PPARGC1B: variants seen among roughly 807,000 people sequenced by gnomAD.
PPARGC1B encodes the protein PPARG coactivator 1 beta, also known as peroxisome proliferator-activated receptor gamma coactivator 1-beta.
PPARGC1B carries 34 observed loss-of-function variants against 101.6 expected under a neutral mutation model. That is an observed-to-expected ratio of 0.33 (90% CI 0.25 to 0.45). The LOEUF (loss-of-function observed/expected upper bound fraction) is 0.45. Ranked by LOEUF, PPARGC1B falls within the 20% of genes least tolerant of loss-of-function variation. The probability of loss-of-function intolerance (pLI) is 1.00; values close to 1 mark genes in which losing one functional copy is unlikely to be tolerated. For missense variants in PPARGC1B, 1,234 were observed against 1,317.6 expected, an observed-to-expected ratio of 0.94 and a Z score of 0.98; for synonymous variants, 548 against 539.3, an observed-to-expected ratio of 1.02 and a Z score of -0.22.
chr5:149,732,292 A>G (rs1164643952), intron 1 of PPARGC1B, among the ~76,000 whole-genome samples: 1 of 152,164 alleles, frequency 6.6e-6, no homozygotes, highest in Non-Finnish European at 1.5e-5. Flanking sequence ...TTCTGTCCCC[A>G]GATCTCGAAA....
intron 2 of PPARGC1B, among the ~76,000 whole-genome samples, chr5:149,823,120 C>T (rs995346196): frequency 6.6e-5 from 10 of 152,210 alleles, no homozygotes; most frequent in Non-Finnish European, 1.5e-4. Context: ...TGGGGCATGA[C>T]AAGCCCTTAG....
Position 149,814,382 on chromosome 5 carries a change from T to G in PPARGC1B, c.79-6051T>G, listed in dbSNP as rs376788404. Among the ~76,000 whole-genome samples, 17 of 152,356 alleles carry G rather than the reference T, an allele frequency of 1.1e-4. No individual in the cohort carries two copies. In the South Asian group the frequency reaches 1.2e-3, roughly 11 times the overall value. ...TGCGTGTTTCCCCCCTATGTGGATCTCAGAAATTTGATAAGTACAGAATTG... is the reference window on the plus strand; with the variant it reads ...TGCGTGTTTCCCCCCTATGTGGATCGCAGAAATTTGATAAGTACAGAATTG... On this transcript the variant is annotated intron_variant, in intron 1 of 11. Coordinates refer to ENST00000309241, the MANE Select transcript of PPARGC1B (RefSeq NM_133263.4).
intron 1 of PPARGC1B, chr5:149,772,166 G>C: frequency 6.2e-7 from 1 of 1,607,756 alleles, no homozygotes; most frequent in South Asian, 1.1e-5. Context: ...AGGTTGTTTA[G>C]GTGGCGTTGG....
At chr5:149,781,484 C>T (rs937428699) in intron 1 of PPARGC1B, among the ~76,000 whole-genome samples, 1 of 152,238 alleles carries the variant, frequency 6.6e-6, no homozygotes, top group African/African-American at 2.4e-5. Flanking sequence ...GCCTCTCAGT[C>T]TTCTTGTCCA....
chr5:149,786,587 T>TCTG, intron 1 of PPARGC1B, among the ~76,000 whole-genome samples: 1 of 152,256 alleles, frequency 6.6e-6, no homozygotes, highest in South Asian at 2.1e-4. Flanking sequence ...GGAGCCAAGA[T>TCTG]CCAGAGGCAG....
intron 11 of PPARGC1B, chr5:149,847,084 C>CAAA: frequency 1.1e-5 from 3 of 284,832 alleles, no homozygotes; most frequent in South Asian, 3.4e-5. Flanking sequence ...GACTGCATCT[C>CAAA]AAAAAAAAAA....
At chr5:149,734,734 T>C (rs1754635541) in intron 1 of PPARGC1B, among the ~76,000 whole-genome samples, 1 of 152,256 alleles carries the variant, frequency 6.6e-6, no homozygotes, top group Non-Finnish European at 1.5e-5. Flanking sequence ...CCTGGTTTCC[T>C]ATACCCAGAT....
At chr5:149,760,515 G>T (rs1180881190) in intron 1 of PPARGC1B, among the ~76,000 whole-genome samples, 1 of 152,222 alleles carries the variant, frequency 6.6e-6, no homozygotes. Flanking sequence ...AGAATTAAAT[G>T]AGAATAAAGG....
intron 2 of PPARGC1B, among the ~76,000 whole-genome samples, chr5:149,823,567 G>A (rs1451513603): frequency 6.6e-6 from 1 of 152,122 alleles, no homozygotes; most frequent in Admixed American, 6.5e-5. Context: ...CCCTTCCTCA[G>A]CTGATTAACT....
At position 149,730,556 on chromosome 5, in the gene PPARGC1B, C is replaced by T. The variant is rs1467841363; in HGVS notation, c.78+136C>T. 3.2e-6 allele frequency: 2 copies of T among 620,672 alleles called. No individual in the cohort carries two copies. The highest frequency in any genetic ancestry group is 2.0e-5 in the African/African-American group (1 of 50,896). The allele number at this position is 620,672 out of a possible 1,614,324, so 38.4% of individuals were successfully genotyped here. On this transcript the variant is annotated intron_variant, in intron 1 of 11. Transcript: ENST00000309241. This position sits in a 1 kb window ranked among gnomAD's most constrained non-coding sequence, Gnocchi z 4.0. ...GGTTCCAGGCTGCAGAGCCCCCCTT[C>T]CAGGCGCCCTGCGATGCGCTCCGTT...
At chr5:149,763,626 G>A (rs892681026) in intron 1 of PPARGC1B, among the ~76,000 whole-genome samples, 6 of 148,436 alleles carry the variant, frequency 4.0e-5, no homozygotes, top group African/African-American at 1.5e-4. Context: ...TGCCTCCCGG[G>A]CTCAAGTAAT....
intron 5 of PPARGC1B, 142 bp from the exon 6 acceptor site, chr5:149,834,532 A>G (rs1185921178): frequency 7.6e-6 from 5 of 660,578 alleles, no homozygotes; most frequent in Non-Finnish European, 1.3e-5. Context: ...GCCCTTCTCT[A>G]AAAGTGGCAG....
rs143482641 is a variant in PPARGC1B at position 149,826,341 on chromosome 5, G to A, written c.253-332G>A. Among the ~76,000 whole-genome samples, 258 of 152,272 alleles carry A rather than the reference G, an allele frequency of 1.7e-3. 1 individual carries two copies. The highest frequency in any genetic ancestry group is 5.6e-3 in the African/African-American group (233 of 41,534). Reference sequence around the variant, plus strand: ...GCCTCTGTCCTTGGTGGGGGAGGTAGGCGTCACTCAGGTGGACAGCCCTGT... The same window carrying A: ...GCCTCTGTCCTTGGTGGGGGAGGTAAGCGTCACTCAGGTGGACAGCCCTGT... On this transcript the variant is annotated intron_variant, in intron 2 of 11. Coordinates refer to ENST00000309241, the MANE Select transcript of PPARGC1B (RefSeq NM_133263.4).
At chr5:149,741,777 G>A (rs1561847641) in intron 1 of PPARGC1B, among the ~76,000 whole-genome samples, 1 of 151,988 alleles carries the variant, frequency 6.6e-6, no homozygotes, top group Non-Finnish European at 1.5e-5. Flanking sequence ...ACAGGCGTCT[G>A]CCACCATGCC....
intron 1 of PPARGC1B, among the ~76,000 whole-genome samples, chr5:149,764,267 T>C (rs1755825864): frequency 6.6e-6 from 1 of 151,920 alleles, no homozygotes; most frequent in South Asian, 2.1e-4. Flanking sequence ...GGCTGGGCCA[T>C]GTGTGGATGG....
rs1190256552 is a variant in PPARGC1B, at chr5:149,835,447, GTGCCACGCAATGAACGATGCGCAAGA to G, written c.1807+87_1807+112del. 11 of 1,273,822 alleles carry G rather than the reference GTGCCACGCAATGAACGATGCGCAAGA, an allele frequency of 8.6e-6. No homozygotes were observed. In the African/African-American group the frequency reaches 1.5e-4, roughly 17 times the overall value. 78.9% of individuals were successfully genotyped at this position (1,273,822 alleles called of 1,614,324 possible). ...GAGTTTTTCATCATGCATGGGCAAG[GTGCCACGCAATGAACGATGCGCAAGA>G]TGCCTGCCTTCACGGGGCTTATGTT... is the stretch of plus-strand genomic sequence containing the variant. On this transcript the variant is annotated intron_variant, in intron 7 of 11. Coordinates refer to ENST00000309241, the MANE Select transcript of PPARGC1B (RefSeq NM_133263.4).
chr5:149,737,839 C>A (rs1754781433), intron 1 of PPARGC1B, among the ~76,000 whole-genome samples: 1 of 152,044 alleles, frequency 6.6e-6, no homozygotes, highest in Non-Finnish European at 1.5e-5. Flanking sequence ...ACTAAAAATA[C>A]AAAAATTAGC....
rs943421381 is a variant in PPARGC1B, at chr5:149,853,091, G to A, written c.*5533G>A. On this transcript the variant is annotated 3_prime_UTR_variant, in exon 12 of 12. Transcript: ENST00000309241. The surrounding 1 kb of genome is among the most constrained non-coding windows in gnomAD (Gnocchi z 4.2). ...TTTTGGTCAAAGGAGTCTCCAAGGC[G>A]GCTTACAAAAGCTTCCTTTTTCACT... The A allele has an allele frequency of 2.0e-5, 3 of 152,080 alleles. No individual in the cohort carries two copies. Among genetic ancestry groups the A allele is most frequent in the Non-Finnish European group, 4.4e-5 (3 of 68,014 alleles). The allele number at this position is 152,080 out of a possible 1,614,324, so 9.4% of individuals were successfully genotyped here.
At chr5:149,741,751 C>T (rs1754915436) in intron 1 of PPARGC1B, among the ~76,000 whole-genome samples, 1 of 151,990 alleles carries the variant, frequency 6.6e-6, no homozygotes, top group Non-Finnish European at 1.5e-5. Flanking sequence ...CCTCAGCCTC[C>T]CGAGTAGCTG....
Sources: gnomAD v4.1 joint callset for allele counts (sites outside exome capture counted in the v4.1 genomes callset) on GRCh38, gnomAD v4.1.1 for gene constraint, Gnocchi (gnomAD v3.1) non-coding constraint, MANE v1.5 for transcripts, NCBI Gene and HGNC (gene_info 2026-07-23, HGNC 2026-07-21) for gene names.